ARHGAP29: variants seen among roughly 807,000 people sequenced by gnomAD.
ARHGAP29 encodes the protein Rho GTPase activating protein 29, also known as rho GTPase-activating protein 29.
ARHGAP29 carries 43 observed loss-of-function variants against 122.6 expected under a neutral mutation model. That is an observed-to-expected ratio of 0.35 (90% CI 0.27 to 0.45). The LOEUF is 0.45. Ranked by LOEUF, ARHGAP29 falls within the 20% of genes least tolerant of loss-of-function variation. The pLI is 1.00. For missense variants in ARHGAP29, 1,303 were observed against 1,477.2 expected, an observed-to-expected ratio of 0.88 and a Z score of 1.93; for synonymous variants, 506 against 497.1, an observed-to-expected ratio of 1.02 and a Z score of -0.24.
chr1:94,239,580 CAA>C (rs921851571), upstream of ARHGAP29, among the ~76,000 whole-genome samples: 4 of 150,964 alleles, frequency 2.6e-5, no homozygotes, highest in Non-Finnish European at 4.4e-5. Flanking sequence ...GAAAGAAAGA[CAA>C]GAGGGAAAGA....
chr1:94,186,361 TA>T (rs1649801264), intron 16 of ARHGAP29, 137 bp downstream of exon 16: 1 of 547,806 alleles, frequency 1.8e-6, no homozygotes, highest in Non-Finnish European at 3.2e-6. Context: ...TGTTGGGATA[TA>T]TTTAAGTCAT....
At chr1:94,244,325 G>A (rs1386702930) in intron 1 of ARHGAP29, among the ~76,000 whole-genome samples, 1 of 151,824 alleles carries the variant, frequency 6.6e-6, no homozygotes, top group Non-Finnish European at 1.5e-5. Flanking sequence ...GCCCAAGAAG[G>A]GTCTGTCCAA....
chr1:94,266,606 T>A (rs551567819), intron 1 of ARHGAP29, among the ~76,000 whole-genome samples: 1 of 152,276 alleles, frequency 6.6e-6, no homozygotes, highest in Admixed American at 6.5e-5. Context: ...GGGCTCAGGG[T>A]GTAGAACACA....
the ARHGAP29 span, among the ~76,000 whole-genome samples, chr1:94,290,518 G>A: frequency 6.6e-6 from 1 of 152,068 alleles, no homozygotes; most frequent in Non-Finnish European, 1.5e-5. Flanking sequence ...TGATGTTAGG[G>A]CATCAATTTT....
In ARHGAP29 at chr1:94,174,029, G is replaced by C. The variant is rs745460571; in HGVS notation, c.3626C>G (p.Pro1209Arg). 2.5e-6 allele frequency: 4 copies of C among 1,614,210 alleles called. No individual in the cohort carries two copies. The Admixed American group carries it at 6.7e-5, about 27-fold the overall frequency. The part of the protein sequence containing the change: ...HGLVVKSMPD[P>R]DKASACPGQA... ...CCCAGGACAAGCTGATGCTTTGTCTGGGTCTGGCATTGACTTCACCACGAG... is the reference window on the plus strand; with the variant it reads ...CCCAGGACAAGCTGATGCTTTGTCTCGGTCTGGCATTGACTTCACCACGAG... The change falls in exon 23 of 23, where the codon CCA becomes CGA. Residue 1209 changes from proline to arginine, a missense_variant. Around this residue, in one of 3 missense-constraint regions of ARHGAP29, gnomAD observed 620 missense variants for 651.2 expected, o/e 0.95. Transcript: ENST00000260526.
rs17111259 is a variant in ARHGAP29, at chr1:94,254,297, T to C, written c.-33+20715A>G. Reference sequence around the variant, plus strand: ...AATTAAATTTTGTCTGGGAGCTACATGGTACTAGAATATATGAGGTCACAG... The same window carrying C: ...AATTAAATTTTGTCTGGGAGCTACACGGTACTAGAATATATGAGGTCACAG... On this transcript the variant is annotated intron_variant and NMD_transcript_variant, in intron 1 of 25. Coordinates refer to the ARHGAP29 transcript ENST00000552844. 2.6e-3 allele frequency among the ~76,000 whole-genome samples: 393 copies of C among 152,308 alleles called. 13 individuals are homozygous for C. The East Asian group carries it at 0.065, about 25-fold the overall frequency.
chr1:94,194,916 G>C (rs2101463803), intron 12 of ARHGAP29: 2 of 152,244 alleles, frequency 1.3e-5, no homozygotes, highest in South Asian at 4.1e-4. Context: ...CATTGGTCAA[G>C]CGATGTAGTT....
At chr1:94,281,391 G>A in the ARHGAP29 span, among the ~76,000 whole-genome samples, 1 of 152,154 alleles carries the variant, frequency 6.6e-6, no homozygotes, top group Non-Finnish European at 1.5e-5. Context: ...ATATCTCGCT[G>A]GGCAAGCACA....
In ARHGAP29 at chr1:94,174,010, A is replaced by G. The variant is rs753277057; in HGVS notation, c.3645T>C (p.Cys1215=). The G allele has an allele frequency of 2.5e-6, 4 of 1,614,190 alleles. No homozygotes were observed. In the Admixed American group the frequency reaches 6.7e-5, roughly 27 times the overall value. Residue 1215 remains cysteine, a synonymous_variant, in exon 23 of 23, where the codon TGT becomes TGC. Coordinates refer to ENST00000260526, the MANE Select transcript of ARHGAP29 (RefSeq NM_004815.4). Reference sequence around the variant, plus strand: ...TAGGTTGACCAGTTGCTTGCCCAGGACAAGCTGATGCTTTGTCTGGGTCTG... The same window carrying G: ...TAGGTTGACCAGTTGCTTGCCCAGGGCAAGCTGATGCTTTGTCTGGGTCTG... ...SMPDPDKASA[C]PGQATGQPKE... is the part of the protein sequence containing the mutation.
chr1:94,246,766 C>T (rs72964308), intron 1 of ARHGAP29, among the ~76,000 whole-genome samples: 3,915 of 152,182 alleles, frequency 0.026, 102 homozygotes, highest in East Asian at 0.097. Flanking sequence ...CCTGGGACAC[C>T]TAGTGAAACA....
chr1:94,194,540 T>G (rs568295185), intron 12 of ARHGAP29: 1 of 151,994 alleles, frequency 6.6e-6, no homozygotes, highest in Non-Finnish European at 1.5e-5. Flanking sequence ...AGATTCAGGG[T>G]CTGGTGTGGG....
rs776660844 is a variant in ARHGAP29 at position 94,174,191 on chromosome 1, G to T, written c.3464C>A (p.Pro1155His). The T allele has an allele frequency of 1.9e-6, 3 of 1,614,052 alleles. No individual in the cohort carries two copies. The African/African-American group carries it at 4.0e-5, about 22-fold the overall frequency. ...DSYPLAPVRA[P>H]RTLQPQHWTT... ...CCAATGTTGAGGCTGCAGTGTTCTG[G>T]GTGCTCTGACAGGAGCGAGAGGGTA... The change falls in exon 23 of 23, where the codon CCC (proline) becomes CAC (histidine). Residue 1155 changes from proline (P) to histidine (H), a missense_variant. Physicochemically the swap from Pro to His is moderately conservative, Grantham distance 77. This residue lies in a region of ARHGAP29 where 620 missense variants were observed against 651.2 expected (regional missense o/e 0.95). Transcript: ENST00000260526.
chr1:94,224,306 G>T (rs1652493114), intron 2 of ARHGAP29, among the ~76,000 whole-genome samples: 1 of 152,142 alleles, frequency 6.6e-6, no homozygotes, highest in Non-Finnish European at 1.5e-5. Flanking sequence ...TCTTAGAAAA[G>T]AAAGTTATTT....
intron 20 of ARHGAP29, among the ~76,000 whole-genome samples, chr1:94,178,396 T>C (rs1284593988): frequency 6.6e-6 from 1 of 152,166 alleles, no homozygotes; most frequent in Non-Finnish European, 1.5e-5. Context: ...TAGAAGGAAC[T>C]ACTATAGTTT....
chr1:94,223,155 AG>A (rs1465857616), intron 2 of ARHGAP29, among the ~76,000 whole-genome samples: 2 of 152,192 alleles, frequency 1.3e-5, no homozygotes, highest in African/African-American at 2.4e-5. Flanking sequence ...TGTGTTAGCC[AG>A]GATGGTCTTG....
chr1:94,251,370 C>T (rs754391774), intron 1 of ARHGAP29, among the ~76,000 whole-genome samples: 3 of 151,984 alleles, frequency 2.0e-5, no homozygotes, highest in South Asian at 2.1e-4. Context: ...GGGGTTTCAC[C>T]GTGTTAGCTA....
the ARHGAP29 span, among the ~76,000 whole-genome samples, chr1:94,292,111 T>A: frequency 6.6e-6 from 1 of 152,352 alleles, no homozygotes; most frequent in African/African-American, 2.4e-5. Context: ...GATTTGGTCT[T>A]TTCACATAGT....
chr1:94,296,850 T>C, the ARHGAP29 span, among the ~76,000 whole-genome samples: 1 of 152,192 alleles, frequency 6.6e-6, no homozygotes, highest in East Asian at 1.9e-4. Context: ...GAGATTCAAG[T>C]CTCAAATAGT....
chr1:94,201,690 T>C, intron 12 of ARHGAP29, 30 bp downstream of exon 12: 2 of 1,612,282 alleles, frequency 1.2e-6, no homozygotes, highest in Non-Finnish European at 1.7e-6. Flanking sequence ...CTTTTCTTCT[T>C]GCCTTCAAAA....
Sources: allele counts gnomAD v4.1 joint callset (sites outside exome capture counted in the v4.1 genomes callset), GRCh38; gene constraint gnomAD v4.1.1; regional missense constraint gnomAD v4.1.1; transcripts MANE v1.5; gene names NCBI Gene and HGNC (gene_info 2026-07-23, HGNC 2026-07-21).